Variants in STEAP1B observed in about 807,000 individuals in gnomAD.
The protein encoded by STEAP1B is STEAP family protein MGC87042.
Under a neutral mutation model 27.9 loss-of-function variants are expected in STEAP1B, and 13 were observed. That is an observed-to-expected ratio of 0.47 (90% CI 0.30 to 0.74). The LOEUF (loss-of-function observed/expected upper bound fraction) is 0.74. Among genes scored for constraint, STEAP1B ranks in the 30% least tolerant of loss-of-function variants. The pLI, the probability that STEAP1B is intolerant of heterozygous loss-of-function variation, is 0.06. For missense variants in STEAP1B, 250 were observed against 298.7 expected (o/e 0.84, Z 1.20); for synonymous variants, 86 against 107.1 (o/e 0.80, Z 1.22).
At chr7:22,498,367 A>G (rs1395252671) in intron 1 of STEAP1B, among the ~76,000 whole-genome samples, 2 of 152,114 alleles carry the variant, frequency 1.3e-5, no homozygotes, top group Non-Finnish European at 2.9e-5. Context: ...GCTCCAAACC[A>G]TATCACCAAC....
intron 4 of STEAP1B, among the ~76,000 whole-genome samples, chr7:22,464,973 A>ATATAT (rs1785751120): frequency 1.5e-5 from 2 of 132,644 alleles, no homozygotes; most frequent in African/African-American, 5.7e-5. Flanking sequence ...ATGTAGGCAC[A>ATATAT]ATAAGAGATT....
At position 22,485,059 on chromosome 7, in the gene STEAP1B, C is replaced by T. The variant is rs546108932; in HGVS notation, c.762+7506G>A. ...AGATGAAATCTATTCCTGGAGAAGA[C>T]GCTGTGAAGATTGTTACAATGACAA... is the stretch of plus-strand genomic sequence containing the variant. On this transcript the variant is annotated intron_variant, in intron 4 of 4. Coordinates refer to ENST00000678116, the MANE Select transcript of STEAP1B (RefSeq NM_001382447.1). 1.6e-4 allele frequency among the ~76,000 whole-genome samples: 24 copies of T among 152,302 alleles called. No homozygotes were observed. In the South Asian group the frequency reaches 1.7e-3, roughly 11 times the overall value.
intron 4 of STEAP1B, among the ~76,000 whole-genome samples, chr7:22,454,352 G>A (rs775198798): frequency 5.3e-5 from 8 of 152,108 alleles, no homozygotes; most frequent in South Asian, 4.2e-4. Context: ...ATTGTTCGCC[G>A]AATAATAGAG....
Position 22,426,125 on chromosome 7 carries a change from G to T in STEAP1B, c.763-6289C>A, listed in dbSNP as rs1785104486. Among the ~76,000 whole-genome samples the T allele has an allele frequency of 2.0e-5, 3 of 152,166 alleles. 1 individual carries two copies. The highest frequency in any genetic ancestry group is 7.2e-5 in the African/African-American group (3 of 41,426). On this transcript the variant is annotated intron_variant, in intron 4 of 4. Coordinates refer to ENST00000678116, the MANE Select transcript of STEAP1B (RefSeq NM_001382447.1). The stretch of plus-strand genomic sequence containing the variant: ...CTGGAGGTCAGAAATCCTAGGGTCT[G>T]GTCTTAGCAATTTCATTTACAGTAA...
chr7:22,456,973 T>TATATATA lies in STEAP1B; in HGVS notation c.762+35591_762+35592insTATATAT, dbSNP rs1554285707. On this transcript the variant is annotated intron_variant, in intron 4 of 4. Coordinates refer to ENST00000678116, the MANE Select transcript of STEAP1B (RefSeq NM_001382447.1). Reference sequence around the variant, plus strand: ...GCAGCTATATATATATATATATATATTTTTTTTTTTTTTAAGTATCCTGGG... The same window carrying TATATATA: ...GCAGCTATATATATATATATATATATATATATATTTTTTTTTTTTTAAGTATCCTGGG... 3.2e-4 allele frequency among the ~76,000 whole-genome samples: 19 copies of TATATATA among 59,302 alleles called. 1 individual carries two copies. Among genetic ancestry groups the TATATATA allele is most frequent in the Admixed American group, 9.2e-4 (5 of 5,424 alleles). 38.9% of individuals were successfully genotyped at this position (59,302 alleles called of 152,430 possible). A position where few individuals can be genotyped will look rare whatever the true frequency, so the allele number is the denominator to read the frequency against.
chr7:22,429,116 C>G (rs1785145769), intron 4 of STEAP1B, among the ~76,000 whole-genome samples: 1 of 152,162 alleles, frequency 6.6e-6, no homozygotes, highest in African/African-American at 2.4e-5. Flanking sequence ...GTAAACAACT[C>G]ATCATTATCC....
rs184082472 is a variant in STEAP1B, at chr7:22,471,236, C to A, written c.762+21329G>T. 5.7e-3 allele frequency among the ~76,000 whole-genome samples: 871 copies of A among 152,246 alleles called. 13 individuals are homozygous for A. The highest frequency in any genetic ancestry group is 7.4e-3 in the Non-Finnish European group (505 of 68,012). The stretch of plus-strand genomic sequence containing the variant: ...GAAAACGAGCTCCCTAGAGGTGCCA[C>A]GTGCTGTTAAAATATCTAAAACACT... On this transcript the variant is annotated intron_variant, in intron 4 of 4. Transcript: ENST00000678116.
At chr7:22,478,703 C>T (rs1032700102) in intron 4 of STEAP1B, among the ~76,000 whole-genome samples, 1 of 152,194 alleles carries the variant, frequency 6.6e-6, no homozygotes, top group Non-Finnish European at 1.5e-5. Context: ...ACAGAGTCAT[C>T]ACTGCAGTAA....
chr7:22,449,270 C>A (rs1034949397), intron 4 of STEAP1B, among the ~76,000 whole-genome samples: 1 of 152,096 alleles, frequency 6.6e-6, no homozygotes, highest in African/African-American at 2.4e-5. Context: ...TTAACCATCC[C>A]CACCCCCTGA....
At chr7:22,439,713 A>G (rs1003901936) in intron 4 of STEAP1B, among the ~76,000 whole-genome samples, 1 of 152,184 alleles carries the variant, frequency 6.6e-6, no homozygotes, top group Non-Finnish European at 1.5e-5. Flanking sequence ...AAATGTGTCC[A>G]ATCCACTGTG....
intron 4 of STEAP1B, among the ~76,000 whole-genome samples, chr7:22,435,238 C>T (rs146457970): frequency 3.3e-5 from 5 of 152,140 alleles, no homozygotes; most frequent in African/African-American, 1.2e-4. Flanking sequence ...TGCACCCACT[C>T]AACCTTGAAT....
At chr7:22,462,116 T>C (rs1051180652) in intron 4 of STEAP1B, among the ~76,000 whole-genome samples, 5 of 152,198 alleles carry the variant, frequency 3.3e-5, no homozygotes, top group African/African-American at 1.2e-4. Context: ...TGAGTATCAC[T>C]ACCAACTAAA....
At chr7:22,480,046 G>A (rs926386661) in intron 4 of STEAP1B, among the ~76,000 whole-genome samples, 10 of 152,228 alleles carry the variant, frequency 6.6e-5, no homozygotes, top group Non-Finnish European at 1.3e-4. Flanking sequence ...AGAGCAGACA[G>A]AGGACATCTC....
At chr7:22,445,844 T>C (rs3857715) in intron 4 of STEAP1B, among the ~76,000 whole-genome samples, 44,468 of 152,206 alleles carry the variant, frequency 0.29, 7,211 homozygotes, top group Admixed American at 0.36. Context: ...AGCTCTTTTA[T>C]AGAATGCTTT....
At chr7:22,452,425 C>T (rs375713749) in intron 4 of STEAP1B, among the ~76,000 whole-genome samples, 25 of 152,196 alleles carry the variant, frequency 1.6e-4, no homozygotes, top group South Asian at 6.2e-4. Context: ...ACAATCCCCC[C>T]CCTCCCCGCG....
chr7:22,491,769 C>A (rs1318994940), intron 4 of STEAP1B, among the ~76,000 whole-genome samples: 1 of 151,952 alleles, frequency 6.6e-6, no homozygotes, highest in Non-Finnish European at 1.5e-5. Context: ...TAAGGACTTA[C>A]CTTTTAAGTG....
intron 4 of STEAP1B, among the ~76,000 whole-genome samples, chr7:22,471,873 C>T (rs1295091477): frequency 1.4e-5 from 2 of 146,200 alleles, no homozygotes; most frequent in African/African-American, 2.6e-5. Flanking sequence ...AGTGCACTCC[C>T]GCCTGGGCAA....
chr7:22,492,664 A>T lies in STEAP1B; in HGVS notation c.663T>A (p.Ser221=), dbSNP rs534316553. The T allele has an allele frequency of 2.0e-5, 33 of 1,613,712 alleles. No homozygotes were observed. In the South Asian group the frequency reaches 3.1e-4, roughly 15 times the overall value. ...GTATTGCCAGTCCCACAATTCCCAG[A>T]GACACATAAATCTCCATTCTCCAAA... ...HDVWRMEIYV[S]LGIVGLAILA... The change falls in exon 4 of 5, where the codon TCT becomes TCA. Residue 221 remains serine, a synonymous_variant. Transcript: ENST00000678116.
rs182356106 is a variant in STEAP1B, at chr7:22,473,413, G to A, written c.762+19152C>T. ...AAATAAGGGAGAAAGACAGAAAAGT[G>A]AGTCTGAGAAAGCACACAAGATTTT... On this transcript the variant is annotated intron_variant, in intron 4 of 4. Coordinates refer to ENST00000678116, the MANE Select transcript of STEAP1B (RefSeq NM_001382447.1). Among the ~76,000 whole-genome samples the A allele has an allele frequency of 2.0e-3, 305 of 152,298 alleles. 2 individuals carry two copies. The highest frequency in any genetic ancestry group is 7.1e-3 in the African/African-American group (295 of 41,564).
Sources: allele counts gnomAD v4.1 joint callset (sites outside exome capture counted in the v4.1 genomes callset), GRCh38; gene constraint gnomAD v4.1.1; transcripts MANE v1.5; gene names NCBI Gene and HGNC (gene_info 2026-07-23, HGNC 2026-07-21).